The following ADAM33 variants were observed in gnomAD, a reference collection of about 807,000 sequenced individuals.
The protein encoded by ADAM33 is disintegrin and metalloproteinase domain-containing protein 33.
ADAM33 carries 103 observed loss-of-function variants against 106.2 expected under a neutral mutation model. The ratio of observed to expected loss-of-function variants is 0.97; its 90% CI spans 0.83 to 1.14. ADAM33 has a LOEUF of 1.14. ADAM33 is among the 50% of genes most tolerant of loss of function. The pLI, the probability that ADAM33 is intolerant of heterozygous loss-of-function variation, is 0.00. For synonymous variants in ADAM33, 483 were observed against 453.0 expected (o/e 1.07, Z -0.84); for missense variants, 1,120 against 1,096.6 (o/e 1.02, Z -0.30).
Position 3,673,597 on chromosome 20 carries a change from C to A in ADAM33, c.967G>T (p.Glu323Ter), listed in dbSNP as rs2087716778. The change falls in exon 10 of 22, where the codon GAG becomes TAG. Residue 323 changes from glutamate to a stop codon, truncating the protein, a stop_gained. Transcript: ENST00000356518. LOFTEE classifies it high-confidence loss of function. ...LAPVEGMCRA[E>*]SSGGVSTDHS... Reference sequence around the variant, plus strand: ...ACCGTGCTCACGCCTCCCGAGCTCTCGGCGCGGCACATGCCCTCGACGGGC... The same window carrying A: ...ACCGTGCTCACGCCTCCCGAGCTCTAGGCGCGGCACATGCCCTCGACGGGC... 3 of 1,370,280 alleles carry A rather than the reference C, an allele frequency of 2.2e-6. No homozygotes were observed. The African/African-American group carries it at 4.6e-5, about 21-fold the overall frequency. 84.9% of individuals were successfully genotyped at this position (1,370,280 alleles called of 1,614,324 possible). A position where few individuals can be genotyped will look rare whatever the true frequency, so the allele number is the denominator to read the frequency against.
intron 2 of ADAM33, among the ~76,000 whole-genome samples, 172 bp downstream of exon 2, chr20:3,679,320 A>AC (rs747842466): frequency 6.6e-6 from 1 of 151,390 alleles, no homozygotes; most frequent in African/African-American, 2.4e-5. Context: ...AGATGTCCAA[A>AC]CCCCAGTGCC....
rs41534847 is a variant in ADAM33 at position 3,673,835 on chromosome 20, G to A, written c.815C>T (p.Thr272Met). The A allele has an allele frequency of 6.7e-5, 105 of 1,562,650 alleles. No homozygotes were observed. The highest frequency in any genetic ancestry group is 8.5e-5 in the Non-Finnish European group (99 of 1,162,192). Reference protein sequence around the residue: ...VWTERDRSRVTQDANATLWAF... With the variant: ...VWTERDRSRVMQDANATLWAF... ...CCAGAGCGTGGCGTTGGCGTCCTGC[G>A]TGACGCGGCTGCGGTCCCGCTCGGT... Residue 272 changes from threonine to methionine, a missense_variant, in exon 9 of 22, where the codon ACG becomes ATG. Thr to Met is a moderately conservative substitution (Grantham distance 81, BLOSUM62 -1). Transcript: ENST00000356518.
chr20:3,681,799 G>C, intron 1 of ADAM33, 109 bp downstream of exon 1: 1 of 1,430,482 alleles, frequency 7.0e-7, no homozygotes, highest in South Asian at 1.4e-5. Flanking sequence ...TATGGTGCCG[G>C]GGCCGTGAGA....
chr20:3,681,270 A>G (rs957947303), intron 1 of ADAM33, among the ~76,000 whole-genome samples: 8 of 152,184 alleles, frequency 5.3e-5, no homozygotes, highest in South Asian at 4.1e-4. Flanking sequence ...CCCCGAGGAG[A>G]CAGCTGCAGT....
chr20:3,673,484 G>A lies in ADAM33; in HGVS notation c.1003C>T (p.Leu335Phe). The change falls in exon 11 of 22, where the codon CTC becomes TTC. Residue 335 changes from leucine to phenylalanine, a missense_variant. Coordinates refer to ENST00000356518, the MANE Select transcript of ADAM33 (RefSeq NM_025220.5). ...ATGGTGGCTGCGGCGCCGATGGGGA[G>A]CTCCGAGTGGTCCTGGGGGGCCGTG... is the stretch of plus-strand genomic sequence containing the variant. ...SGGVSTDHSE[L>F]PIGAAATMAH... is the part of the protein sequence containing the mutation. The A allele has an allele frequency of 1.3e-6, 2 of 1,529,420 alleles. No individual in the cohort carries two copies. Among genetic ancestry groups the A allele is most frequent in the Non-Finnish European group, 1.7e-6 (2 of 1,145,030 alleles). The allele number at this position is 1,529,420 out of a possible 1,614,324, so 94.7% of individuals were successfully genotyped here.
chr20:3,672,633 C>T lies in ADAM33; in HGVS notation c.1312-7G>A, dbSNP rs1398360221. On this transcript the variant is annotated splice_region_variant and splice_polypyrimidine_tract_variant and intron_variant, in intron 12 of 21. Coordinates refer to ENST00000356518, the MANE Select transcript of ADAM33 (RefSeq NM_025220.5). ...AGCAGAGGTCGCGGCACTCCTGGGA[C>T]CAGAAAGGCAAGAAGGGCCCAGGTG... 9 of 1,613,198 alleles carry T rather than the reference C, an allele frequency of 5.6e-6. No individual in the cohort carries two copies. In the Admixed American group the frequency reaches 1.3e-4, roughly 24 times the overall value.
At chr20:3,669,057 G>GTGT in intron 21 of ADAM33, 57 bp from the exon 22 acceptor site, 1 of 1,576,978 alleles carries the variant, frequency 6.3e-7, no homozygotes, top group South Asian at 1.1e-5. Context: ...GCTGCAAGCT[G>GTGT]TGTGGCAGAG....
intron 2 of ADAM33, among the ~76,000 whole-genome samples, chr20:3,678,843 A>C (rs772176761): frequency 6.6e-6 from 1 of 152,228 alleles, no homozygotes; most frequent in African/African-American, 2.4e-5. Flanking sequence ...CTTAGTTTGC[A>C]GCACAGATAT....
Position 3,678,822 on chromosome 20 carries a change from G to A in ADAM33, c.177+670C>T, listed in dbSNP as rs577741438. ...CCCTCTGTAAAATGAGCATATCAAGGCTACTGCCCTCTTAGTTTGCAGCAC... is the reference window on the plus strand; with the variant it reads ...CCCTCTGTAAAATGAGCATATCAAGACTACTGCCCTCTTAGTTTGCAGCAC... On this transcript the variant is annotated intron_variant, in intron 2 of 21. Transcript: ENST00000356518. 3.3e-5 allele frequency among the ~76,000 whole-genome samples: 5 copies of A among 152,334 alleles called. No homozygotes were observed. In the South Asian group the frequency reaches 1.0e-3, roughly 32 times the overall value.
At chr20:3,680,325 G>A (rs922764453) in intron 1 of ADAM33, among the ~76,000 whole-genome samples, 1 of 152,080 alleles carries the variant, frequency 6.6e-6, no homozygotes, top group Non-Finnish European at 1.5e-5. Flanking sequence ...CCCAGAGCCT[G>A]CAGCAGCCCT....
Position 3,671,304 on chromosome 20 carries a change from C to T in ADAM33, c.2025G>A (p.Trp675Ter), listed in dbSNP as rs1162461276. Residue 675 changes from tryptophan to a stop codon, truncating the protein, a stop_gained, in exon 18 of 22, where the codon TGG becomes TGA. Transcript: ENST00000356518. LOFTEE classifies it high-confidence loss of function. ...SNHNCHCAPG[W>*]APPFCDKPGF... Reference sequence around the variant, plus strand: ...CTGGCTTGTCACAGAAGGGTGGAGCCCAGCCTGGAGCACAGTGGCAGTTAT... The same window carrying T: ...CTGGCTTGTCACAGAAGGGTGGAGCTCAGCCTGGAGCACAGTGGCAGTTAT... 2.5e-6 allele frequency: 4 copies of T among 1,613,878 alleles called. No homozygotes were observed. Among genetic ancestry groups the T allele is most frequent in the Non-Finnish European group, 2.5e-6 (3 of 1,179,986 alleles).
At chr20:3,676,088 G>A (rs1325200845) in intron 3 of ADAM33, among the ~76,000 whole-genome samples, 1 of 152,228 alleles carries the variant, frequency 6.6e-6, no homozygotes, top group Non-Finnish European at 1.5e-5. Flanking sequence ...AACAGCGCCT[G>A]CGGTCAAGCA....
chr20:3,679,386 G>T (rs2088267328), intron 2 of ADAM33, 106 bp downstream of exon 2: 1 of 1,181,658 alleles, frequency 8.5e-7, no homozygotes, highest in Non-Finnish European at 1.2e-6. Flanking sequence ...GTAGTGACTT[G>T]GTGGTTCTGG....
In ADAM33 at chr20:3,674,668, C is replaced by G; in HGVS notation, c.436G>C (p.Ala146Pro). Residue 146 changes from alanine to proline, a missense_variant, in exon 6 of 22, where the codon GCC becomes CCC. Coordinates refer to ENST00000356518, the MANE Select transcript of ADAM33 (RefSeq NM_025220.5). ...MSGLITLSRN[A>P]SYYLRPWPPR... ...GGCCAGGGACGCAGATAATAGCTGG[C>G]ATTCCTGCTGAGGGTGATCAGGCCA... The G allele has an allele frequency of 6.2e-7, 1 of 1,610,788 alleles. No individual in the cohort carries two copies. Among genetic ancestry groups the G allele is most frequent in the Non-Finnish European group, 8.5e-7 (1 of 1,178,896 alleles).
Position 3,671,718 on chromosome 20 carries a change from T to C in ADAM33, c.1768A>G (p.Met590Val), listed in dbSNP as rs55687415. 2,056 of 1,586,898 alleles carry C rather than the reference T, an allele frequency of 1.3e-3. 12 individuals are homozygous for C. The African/African-American group carries it at 0.018, about 14-fold the overall frequency. Residue 590 changes from methionine (M) to valine (V), a missense_variant, in exon 16 of 22, where the codon ATG becomes GTG. Coordinates refer to ENST00000356518, the MANE Select transcript of ADAM33 (RefSeq NM_025220.5). ...TGAACGGTAGAGTCCACTGGCACCA[T>C]GTGCGGTGCGAGCAGGCTGGGCTTT... ...GGKPSLLAPHMVPVDSTVHLD... is the reference protein window; with the variant it reads ...GGKPSLLAPHVVPVDSTVHLD...
Position 3,667,999 on chromosome 20 carries a change from G to A in ADAM33, c.*964C>T, listed in dbSNP as rs1229539473. 6.6e-6 allele frequency: 1 copy of A among 152,044 alleles called. No homozygotes were observed. The highest frequency in any genetic ancestry group is 1.5e-5 in the Non-Finnish European group (1 of 68,220). The allele number at this position is 152,044 out of a possible 1,614,324, so 9.4% of individuals were successfully genotyped here. On this transcript the variant is annotated 3_prime_UTR_variant, in exon 22 of 22. Transcript: ENST00000356518. ...ATGTCTTTTTAAAATTTATTTTAGA[G>A]ACAGGGTCTTGCTCTGTCACCCAGG...
Position 3,677,145 on chromosome 20 carries a change from TG to T in ADAM33, c.178-3del. ...CAGCCCCATGTCTGGCTTCGAGACC[TG>T]GGCAAGAAAATGTGTGGAGCTGAGA... is the stretch of plus-strand genomic sequence containing the variant. On this transcript the variant is annotated splice_region_variant and splice_polypyrimidine_tract_variant and intron_variant, in intron 2 of 21. Coordinates refer to ENST00000356518, the MANE Select transcript of ADAM33 (RefSeq NM_025220.5). The T allele has an allele frequency of 1.2e-6, 2 of 1,606,292 alleles. No individual in the cohort carries two copies. The highest frequency in any genetic ancestry group is 1.7e-6 in the Non-Finnish European group (2 of 1,176,224).
At chr20:3,672,392 C>T (rs927792492) in intron 13 of ADAM33, 63 bp from the exon 14 acceptor site, 3 of 1,585,700 alleles carry the variant, frequency 1.9e-6, no homozygotes, top group African/African-American at 2.7e-5. Flanking sequence ...AGGTCCATGC[C>T]GAGAGCGCGG....
At chr20:3,676,880 G>A (rs2088013067) in intron 3 of ADAM33, among the ~76,000 whole-genome samples, 187 bp downstream of exon 3, 1 of 152,192 alleles carries the variant, frequency 6.6e-6, no homozygotes, top group African/African-American at 2.4e-5. Context: ...GCCCCACAGC[G>A]GGGCTGACAG....
Sources: gnomAD v4.1 joint callset for allele counts (sites outside exome capture counted in the v4.1 genomes callset) on GRCh38, gnomAD v4.1.1 for gene constraint, MANE v1.5 for transcripts, NCBI Gene and HGNC (gene_info 2026-07-23, HGNC 2026-07-21) for gene names.